The following EML1 variants were observed in gnomAD, a reference collection of about 807,000 sequenced individuals.
EML1 encodes EMAP like 1, also known as echinoderm microtubule-associated protein-like 1.
In EML1, 27 loss-of-function variants were observed where a neutral mutation model predicts 110.4. The ratio of observed to expected loss-of-function variants is 0.24; its 90% CI spans 0.18 to 0.34. The LOEUF is 0.34. EML1 is among the 10% of genes least tolerant of loss of function. The pLI, the probability that EML1 is intolerant of heterozygous loss-of-function variation, is 1.00. For missense variants in EML1, 741 were observed against 1,030.9 expected (o/e 0.72, Z 3.85); for synonymous variants, 344 against 385.8 (o/e 0.89, Z 1.27).
intron 1 of EML1, among the ~76,000 whole-genome samples, chr14:99,820,567 A>C (rs2058244560): frequency 6.6e-6 from 1 of 152,244 alleles, no homozygotes; most frequent in Admixed American, 6.5e-5. Context: ...CAGTGCAGGC[A>C]AAATACGAAA....
intron 3 of EML1, among the ~76,000 whole-genome samples, chr14:99,872,138 C>G (rs1164669669): frequency 1.3e-5 from 2 of 152,168 alleles, no homozygotes; most frequent in Non-Finnish European, 2.9e-5. Context: ...TCTCAGATTG[C>G]AGGTCTGATG....
At chr14:99,864,194 T>G (rs1230381526) in intron 2 of EML1, among the ~76,000 whole-genome samples, 1 of 152,256 alleles carries the variant, frequency 6.6e-6, no homozygotes, top group Non-Finnish European at 1.5e-5. Context: ...GGCTGTTTGT[T>G]TTCTTACCAT....
chr14:99,887,311 G>A (rs966428029), intron 4 of EML1, among the ~76,000 whole-genome samples: 5 of 152,184 alleles, frequency 3.3e-5, no homozygotes, highest in Non-Finnish European at 5.9e-5. Context: ...GCTGGAGTTC[G>A]TCTTGGAGAT....
Position 99,827,600 on chromosome 14 carries a change from G to A in EML1, c.68-23253G>A, listed in dbSNP as rs775072495. ...GATTAAGTTAAACGTGGCCGTTAGA[G>A]TGGGCCCTACTCCAGTCTGACTGGT... On this transcript the variant is annotated intron_variant, in intron 1 of 21. Transcript: ENST00000262233. The surrounding 1 kb of genome is among the most constrained non-coding windows in gnomAD (Gnocchi z 4.4). Among the ~76,000 whole-genome samples, 3 of 151,920 alleles carry A rather than the reference G, an allele frequency of 2.0e-5. No individual in the cohort carries two copies. Among genetic ancestry groups the A allele is most frequent in the Non-Finnish European group, 4.4e-5 (3 of 67,934 alleles).
At chr14:99,813,515 G>C (rs924646977) in intron 1 of EML1, among the ~76,000 whole-genome samples, 5 of 152,246 alleles carry the variant, frequency 3.3e-5, no homozygotes, top group African/African-American at 1.2e-4. Context: ...AGGAGTTTGA[G>C]ACCAGCCTAG....
intron 1 of EML1, among the ~76,000 whole-genome samples, chr14:99,749,338 C>T (rs555231513): frequency 7.9e-5 from 12 of 152,148 alleles, no homozygotes; most frequent in African/African-American, 2.7e-4. Flanking sequence ...GTCTTCTCGC[C>T]CCCCCAGCCA....
At chr14:99,803,490 C>T (rs1311325082) in intron 1 of EML1, among the ~76,000 whole-genome samples, 1 of 152,170 alleles carries the variant, frequency 6.6e-6, no homozygotes, top group Middle Eastern at 3.2e-3. Context: ...GACGAGGGAC[C>T]TTATTGGTAG....
In EML1 at chr14:99,778,060, C is replaced by G. The variant is rs113431750; in HGVS notation, c.-27+4047C>G. ...TCAGCTTCGTGAAGTGTTGGGATTA[C>G]AGGCATGAGTCACCAATTTGCAAGG... On this transcript the variant is annotated intron_variant, in intron 1 of 22. Transcript: ENST00000327921. Among the ~76,000 whole-genome samples, 433 of 152,310 alleles carry G rather than the reference C, an allele frequency of 2.8e-3. 2 individuals carry two copies. The highest frequency in any genetic ancestry group is 0.01 in the African/African-American group (423 of 41,572).
intron 1 of EML1, among the ~76,000 whole-genome samples, chr14:99,807,580 C>G (rs2058000214): frequency 6.6e-6 from 1 of 152,150 alleles, no homozygotes; most frequent in African/African-American, 2.4e-5. Flanking sequence ...GACCTGGGTT[C>G]AGAGAGGGCT....
chr14:99,918,676 G>T (rs1258673841), intron 16 of EML1, among the ~76,000 whole-genome samples: 1 of 151,954 alleles, frequency 6.6e-6, no homozygotes, highest in East Asian at 1.9e-4. Context: ...AATTGAGCTG[G>T]ATATGGTGGT....
chr14:99,749,112 C>G (rs1566847666), intron 1 of EML1, among the ~76,000 whole-genome samples: 1 of 152,218 alleles, frequency 6.6e-6, no homozygotes. Flanking sequence ...AGTAACGCTG[C>G]TATGAACACT....
chr14:99,940,103 C>T lies in EML1; in HGVS notation c.2439C>T (p.Arg813=), dbSNP rs747273138. The part of the protein sequence containing the change: ...GGKDTSIMQW[R]VI The stretch of plus-strand genomic sequence containing the variant: ...AAGACACAAGCATCATGCAGTGGCG[C>T]GTCATTTAGTACCCACCGAGAGCTG... Residue 813 remains arginine, a synonymous_variant, in exon 22 of 22, where the codon CGC becomes CGT. Transcript: ENST00000262233. 28 of 1,561,580 alleles carry T rather than the reference C, an allele frequency of 1.8e-5. 1 individual carries two copies. The Admixed American group carries it at 1.9e-4, about 11-fold the overall frequency.
At chr14:99,776,666 G>C (rs1403512545) in intron 1 of EML1, among the ~76,000 whole-genome samples, 1 of 152,156 alleles carries the variant, frequency 6.6e-6, no homozygotes, top group African/African-American at 2.4e-5. Flanking sequence ...CTCAGTATAT[G>C]CTACATAAGT....
chr14:99,738,565 G>C (rs1400666533), intron 1 of EML1, among the ~76,000 whole-genome samples: 2 of 152,236 alleles, frequency 1.3e-5, no homozygotes, highest in East Asian at 3.9e-4. Context: ...TCTGGAGTCA[G>C]GCTGTCCAGG....
At chr14:99,809,023 A>G (rs4905896) in intron 1 of EML1, among the ~76,000 whole-genome samples, 61,654 of 152,092 alleles carry the variant, frequency 0.41, 13,052 homozygotes, top group South Asian at 0.56. Context: ...GGTCTCCCGA[A>G]AAAAACCCCA....
Position 99,940,111 on chromosome 14 carries a change from A to T in EML1, c.2447A>T (p.Ter816LeuextTer24). ...AGCATCATGCAGTGGCGCGTCATTTAGTACCCACCGAGAGCTGTGGGGAGC... is the reference window on the plus strand; with the variant it reads ...AGCATCATGCAGTGGCGCGTCATTTTGTACCCACCGAGAGCTGTGGGGAGC... The part of the protein sequence containing the change: ...DTSIMQWRVI[*>L] Residue 816 changes from the stop codon to leucine, a stop_lost, in exon 22 of 22, where the codon TAG becomes TTG. Coordinates refer to ENST00000262233, the MANE Select transcript of EML1 (RefSeq NM_004434.3). The T allele has an allele frequency of 6.4e-7, 1 of 1,570,628 alleles. No homozygotes were observed. Among genetic ancestry groups the T allele is most frequent in the Non-Finnish European group, 8.6e-7 (1 of 1,159,034 alleles).
intron 1 of EML1, among the ~76,000 whole-genome samples, chr14:99,747,040 A>T (rs1225122934): frequency 6.6e-6 from 1 of 152,058 alleles, no homozygotes; most frequent in Non-Finnish European, 1.5e-5. Context: ...AAGGAGGTAG[A>T]AAAACAACCA....
chr14:99,889,374 G>A (rs1174077544), intron 4 of EML1, among the ~76,000 whole-genome samples: 1 of 152,180 alleles, frequency 6.6e-6, no homozygotes, highest in African/African-American at 2.4e-5. Flanking sequence ...AGGAGCTCCA[G>A]GCCTCACACC....
At chr14:99,755,550 G>T (rs903709429) in intron 1 of EML1, among the ~76,000 whole-genome samples, 1 of 152,166 alleles carries the variant, frequency 6.6e-6, no homozygotes, top group African/African-American at 2.4e-5. Context: ...CAGCTGTGGA[G>T]GGGAGAGCTG....
Sources: gnomAD v4.1 joint callset for allele counts (sites outside exome capture counted in the v4.1 genomes callset) on GRCh38, gnomAD v4.1.1 for gene constraint, Gnocchi (gnomAD v3.1) non-coding constraint, MANE v1.5 for transcripts, NCBI Gene and HGNC (gene_info 2026-07-23, HGNC 2026-07-21) for gene names.